The following TMPRSS15 variants were observed in gnomAD, a reference collection of about 807,000 sequenced individuals.
TMPRSS15 encodes the protein enteropeptidase.
Under a neutral mutation model 125.3 loss-of-function variants are expected in TMPRSS15, and 128 were observed. The ratio of observed to expected loss-of-function variants is 1.02; its 90% CI spans 0.89 to 1.18. TMPRSS15 has a LOEUF of 1.18. Ranked by LOEUF, TMPRSS15 falls within the 50% of genes most tolerant of loss-of-function variation. TMPRSS15 has a pLI of 0.00. For synonymous variants in TMPRSS15, 446 were observed against 423.2 expected, an observed-to-expected ratio of 1.05 and a Z score of -0.66; for missense variants, 1,283 against 1,212.7, an observed-to-expected ratio of 1.06 and a Z score of -0.86.
intron 21 of TMPRSS15, among the ~76,000 whole-genome samples, chr21:18,282,042 G>A (rs1343507797): frequency 7.3e-6 from 1 of 136,426 alleles, no homozygotes; most frequent in African/African-American, 2.8e-5. Flanking sequence ...AGCTTGCAGT[G>A]AGCCGAGATT....
intron 1 of TMPRSS15, among the ~76,000 whole-genome samples, chr21:18,429,391 CA>C (rs1006372259): frequency 6.6e-6 from 1 of 151,952 alleles, no homozygotes; most frequent in African/African-American, 2.4e-5. Context: ...TTGGAGGGGC[CA>C]GGGTGGAATG....
In TMPRSS15 at chr21:18,434,056, G is replaced by A. The variant is rs76213144; in HGVS notation, c.11-35727C>T. On this transcript the variant is annotated intron_variant, in intron 1 of 7. Transcript: ENST00000422787. Reference sequence around the variant, plus strand: ...ATTTGTTATACTACTGCTCTGCGGTGCAAGATTAAATTAATCTCTCCTTTG... The same window carrying A: ...ATTTGTTATACTACTGCTCTGCGGTACAAGATTAAATTAATCTCTCCTTTG... Among the ~76,000 whole-genome samples, 552 of 152,256 alleles carry A rather than the reference G, an allele frequency of 3.6e-3. 7 individuals are homozygous for A. The highest frequency in any genetic ancestry group is 0.012 in the African/African-American group (510 of 41,554).
chr21:18,461,079 T>C (rs1162354568), intron 1 of TMPRSS15, among the ~76,000 whole-genome samples: 4 of 152,154 alleles, frequency 2.6e-5, no homozygotes, highest in African/African-American at 4.8e-5. Flanking sequence ...ATTTGTCTTA[T>C]CTTAGTTCCT....
intron 21 of TMPRSS15, 81 bp downstream of exon 21, chr21:18,294,189 T>C: frequency 6.5e-7 from 1 of 1,544,936 alleles, no homozygotes; most frequent in African/African-American, 1.4e-5. Flanking sequence ...GATGGTTTTG[T>C]GATGCTGCAT....
intron 1 of TMPRSS15, chr21:18,460,673 C>T (rs1386141478): frequency 6.6e-6 from 1 of 152,156 alleles, no homozygotes. Context: ...AGACTACCTG[C>T]TGTAGAATTC....
At chr21:18,383,859 G>C in intron 3 of TMPRSS15, 81 bp from the exon 4 acceptor site, 1 of 1,486,266 alleles carries the variant, frequency 6.7e-7, no homozygotes, top group Non-Finnish European at 9.2e-7. Flanking sequence ...AAATGTCTTT[G>C]AAATTCTCTA....
At chr21:18,416,143 G>A (rs1487185741) in intron 1 of TMPRSS15, among the ~76,000 whole-genome samples, 2 of 151,844 alleles carry the variant, frequency 1.3e-5, no homozygotes, top group African/African-American at 4.8e-5. Flanking sequence ...GAAATTAAAG[G>A]AGACACAGAT....
At chr21:18,454,438 G>T (rs1388890245) in intron 1 of TMPRSS15, among the ~76,000 whole-genome samples, 1 of 152,116 alleles carries the variant, frequency 6.6e-6, no homozygotes, top group Admixed American at 6.6e-5. Flanking sequence ...TATAAAAGGA[G>T]ATTCATTATG....
chr21:18,481,579 A>T (rs188165968), intron 1 of TMPRSS15, among the ~76,000 whole-genome samples: 1 of 151,770 alleles, frequency 6.6e-6, no homozygotes, highest in African/African-American at 2.4e-5. Context: ...AATAAAACCT[A>T]CAGAAGACGG....
intron 13 of TMPRSS15, among the ~76,000 whole-genome samples, chr21:18,339,689 G>GT (rs10716082): frequency 0.26 from 39,439 of 151,692 alleles, 5,322 homozygotes; most frequent in African/African-American, 0.31. Flanking sequence ...AAAAAGCATT[G>GT]TTTTTTTTGC....
chr21:18,287,014 C>T (rs1294382321), intron 21 of TMPRSS15, among the ~76,000 whole-genome samples: 1 of 152,188 alleles, frequency 6.6e-6, no homozygotes, highest in Non-Finnish European at 1.5e-5. Context: ...ACACTTTCTC[C>T]AACCACTGTA....
chr21:18,334,482 T>C (rs922630474), intron 13 of TMPRSS15, among the ~76,000 whole-genome samples: 1 of 152,158 alleles, frequency 6.6e-6, no homozygotes, highest in Non-Finnish European at 1.5e-5. Flanking sequence ...AAATTGTGGC[T>C]CTGAGTTAGT....
intron 15 of TMPRSS15, among the ~76,000 whole-genome samples, chr21:18,327,408 T>A (rs1050071868): frequency 6.6e-6 from 1 of 152,218 alleles, no homozygotes; most frequent in African/African-American, 2.4e-5. Context: ...TTCAGATTCC[T>A]CAGTTCTTGC....
At chr21:18,384,090 T>C (rs972030175) in intron 3 of TMPRSS15, among the ~76,000 whole-genome samples, 1 of 152,162 alleles carries the variant, frequency 6.6e-6, no homozygotes, top group Non-Finnish European at 1.5e-5. Context: ...TGTGTTAAAA[T>C]CACGTGGTCT....
At chr21:18,380,230 C>T (rs1836419439) in intron 4 of TMPRSS15, among the ~76,000 whole-genome samples, 1 of 151,380 alleles carries the variant, frequency 6.6e-6, no homozygotes, top group Non-Finnish European at 1.5e-5. Context: ...ATATGTAACA[C>T]ACACACTCAT....
chr21:18,351,620 T>C (rs2075570281), intron 10 of TMPRSS15, among the ~76,000 whole-genome samples: 1 of 152,176 alleles, frequency 6.6e-6, no homozygotes, highest in Non-Finnish European at 1.5e-5. Context: ...GCCATGATTA[T>C]AAGTGTCCTG....
At chr21:18,380,282 A>T (rs554460546) in intron 4 of TMPRSS15, among the ~76,000 whole-genome samples, 19 of 151,972 alleles carry the variant, frequency 1.3e-4, no homozygotes, top group African/African-American at 3.6e-4. Context: ...TATATCTCTC[A>T]TATATATTTG....
intron 1 of TMPRSS15, among the ~76,000 whole-genome samples, chr21:18,413,246 C>CT (rs1375536439): frequency 7.3e-6 from 1 of 137,082 alleles, no homozygotes; most frequent in East Asian, 2.5e-4. Context: ...CTCTCTCTTT[C>CT]TTCCTTCCTT....
chr21:18,284,696 C>T (rs1003077263), intron 21 of TMPRSS15, among the ~76,000 whole-genome samples: 12 of 152,066 alleles, frequency 7.9e-5, no homozygotes, highest in African/African-American at 2.4e-4. Flanking sequence ...ATCCCCAATC[C>T]GGTGGAGGAT....
Sources: gnomAD v4.1 joint callset for allele counts (sites outside exome capture counted in the v4.1 genomes callset) on GRCh38, gnomAD v4.1.1 for gene constraint, MANE v1.5 for transcripts, NCBI Gene and HGNC (gene_info 2026-07-23, HGNC 2026-07-21) for gene names.